The following SGCZ variants were observed in gnomAD, a reference collection of about 807,000 sequenced individuals.
SGCZ encodes sarcoglycan zeta.
Under a neutral mutation model 41.3 loss-of-function variants are expected in SGCZ, and 40 were observed. The ratio of observed to expected loss-of-function variants is 0.97; its 90% CI spans 0.75 to 1.26. SGCZ has a LOEUF of 1.26. SGCZ is among the 50% of genes most tolerant of loss of function. The probability of loss-of-function intolerance (pLI) is 0.00; values close to 1 mark genes in which losing one functional copy is unlikely to be tolerated. For synonymous variants in SGCZ, 206 were observed against 137.5 expected (o/e 1.50, Z -3.49); for missense variants, 552 against 369.8 (o/e 1.49, Z -4.04).
chr8:15,001,139 T>A (rs1437169397), intron 1 of SGCZ, among the ~76,000 whole-genome samples: 1 of 152,210 alleles, frequency 6.6e-6, no homozygotes, highest in Admixed American at 6.5e-5. Context: ...ATTGGGAGGA[T>A]GAAATTGTTC....
chr8:15,152,298 A>T (rs951494541), intron 1 of SGCZ, among the ~76,000 whole-genome samples: 2 of 152,214 alleles, frequency 1.3e-5, no homozygotes, highest in African/African-American at 4.8e-5. Context: ...TCAGAAAAAA[A>T]TATGTAAAAA....
intron 1 of SGCZ, among the ~76,000 whole-genome samples, chr8:15,106,913 A>C (rs950497427): frequency 6.6e-6 from 1 of 152,080 alleles, no homozygotes; most frequent in East Asian, 1.9e-4. Context: ...ACCTTTTAAA[A>C]AATTCAGGAT....
Position 14,472,417 on chromosome 8 carries a change from C to G in SGCZ, c.234+82315G>C, listed in dbSNP as rs184032712. 2.8e-4 allele frequency among the ~76,000 whole-genome samples: 43 copies of G among 152,140 alleles called. No homozygotes were observed. In the East Asian group the frequency reaches 6.8e-3, roughly 24 times the overall value. On this transcript the variant is annotated intron_variant, in intron 2 of 7. Transcript: ENST00000382080. ...ACCTACCATACCATTGTCTTTGAGT[C>G]TGAATAGTGGTGAGTTGATGAACTC...
chr8:14,522,869 C>G (rs1802831626), intron 2 of SGCZ, among the ~76,000 whole-genome samples: 1 of 151,488 alleles, frequency 6.6e-6, no homozygotes, highest in Admixed American at 6.6e-5. Context: ...TATAAATTTT[C>G]TTCTCAATAT....
At chr8:14,348,123 A>G (rs1262507808) in intron 2 of SGCZ, among the ~76,000 whole-genome samples, 1 of 151,960 alleles carries the variant, frequency 6.6e-6, no homozygotes, top group Non-Finnish European at 1.5e-5. Flanking sequence ...TTCATCTGCA[A>G]CTCAGCTGTA....
At chr8:14,624,232 A>G (rs73188105) in intron 1 of SGCZ, among the ~76,000 whole-genome samples, 22,460 of 152,082 alleles carry the variant, frequency 0.15, 2,045 homozygotes, top group Non-Finnish European at 0.2. Context: ...CAAAGCCAAA[A>G]TAAACTACTG....
intron 1 of SGCZ, among the ~76,000 whole-genome samples, chr8:15,182,248 A>G (rs1321016122): frequency 6.6e-6 from 1 of 152,194 alleles, no homozygotes; most frequent in East Asian, 1.9e-4. Flanking sequence ...ACAAACCTAG[A>G]TTATCAAACT....
Position 14,137,430 on chromosome 8 carries a change from G to GA in SGCZ, c.547+27149dup, listed in dbSNP as rs576128410. Among the ~76,000 whole-genome samples the GA allele has an allele frequency of 3.3e-3, 509 of 152,240 alleles. 4 individuals are homozygous for GA. The highest frequency in any genetic ancestry group is 0.012 in the African/African-American group (490 of 41,560). ...CCATCACAAAGAAGCTAAAAACCTT[G>GA]AAAAAATGTTAGATGAATGGCTAAC... On this transcript the variant is annotated intron_variant, in intron 5 of 7. Coordinates refer to ENST00000382080, the MANE Select transcript of SGCZ (RefSeq NM_139167.4).
At chr8:14,188,835 T>TG (rs759960662) in intron 4 of SGCZ, among the ~76,000 whole-genome samples, 2 of 14,830 alleles carry the variant, frequency 1.3e-4, no homozygotes, top group Non-Finnish European at 2.4e-4. Context: ...TTTTTTTTTG[T>TG]TTGTTTGTTT....
At chr8:14,752,971 A>G (rs1387762145) in intron 1 of SGCZ, among the ~76,000 whole-genome samples, 1 of 152,180 alleles carries the variant, frequency 6.6e-6, no homozygotes. Flanking sequence ...TTCCTGTAAT[A>G]GATTCACCTC....
At chr8:15,046,329 C>T (rs1048612536) in intron 1 of SGCZ, among the ~76,000 whole-genome samples, 7 of 151,978 alleles carry the variant, frequency 4.6e-5, no homozygotes, top group Admixed American at 2.0e-4. Context: ...ATAAATTAAA[C>T]ACTAAAATAA....
At chr8:14,284,757 G>C (rs1018799616) in intron 3 of SGCZ, among the ~76,000 whole-genome samples, 2 of 151,914 alleles carry the variant, frequency 1.3e-5, no homozygotes, top group Non-Finnish European at 2.9e-5. Context: ...TAATACTAGA[G>C]TGCATATTTG....
chr8:14,371,381 A>C (rs886882702), intron 2 of SGCZ, among the ~76,000 whole-genome samples: 1 of 152,112 alleles, frequency 6.6e-6, no homozygotes, highest in African/African-American at 2.4e-5. Flanking sequence ...GTTAAGTGAT[A>C]ACATTTTCCG....
intron 2 of SGCZ, among the ~76,000 whole-genome samples, chr8:14,501,987 A>C (rs1266422810): frequency 6.6e-6 from 1 of 152,128 alleles, no homozygotes; most frequent in African/African-American, 2.4e-5. Context: ...ATCATTTGAC[A>C]GGATTAGTTT....
At chr8:14,405,424 TA>T (rs751238847) in intron 2 of SGCZ, among the ~76,000 whole-genome samples, 7 of 152,218 alleles carry the variant, frequency 4.6e-5, no homozygotes, top group Admixed American at 1.3e-4. Context: ...GACATCAGAT[TA>T]TTTTTTTACT....
chr8:14,678,719 T>C lies in SGCZ; in HGVS notation c.40-123793A>G, dbSNP rs118142592. Among the ~76,000 whole-genome samples the C allele has an allele frequency of 2.7e-3, 415 of 152,304 alleles. 1 individual carries two copies. Among genetic ancestry groups the C allele is most frequent in the Non-Finnish European group, 5.0e-3 (339 of 68,006 alleles). The stretch of plus-strand genomic sequence containing the variant: ...AAAAGGAATTGAAAACCTATGTTCA[T>C]AGAAAAACCTGCACTTGAAAGTTGA... On this transcript the variant is annotated intron_variant, in intron 1 of 7. Transcript: ENST00000382080.
At chr8:14,422,446 C>G (rs899254195) in intron 2 of SGCZ, among the ~76,000 whole-genome samples, 1 of 152,180 alleles carries the variant, frequency 6.6e-6, no homozygotes, top group Non-Finnish European at 1.5e-5. Context: ...CAATTTTAGA[C>G]TACTTAATTT....
At chr8:14,243,012 A>G (rs577823318) in intron 3 of SGCZ, among the ~76,000 whole-genome samples, 6 of 152,320 alleles carry the variant, frequency 3.9e-5, no homozygotes, top group Admixed American at 1.3e-4. Flanking sequence ...CTTTGCTGCT[A>G]TCATCCAGGT....
At chr8:14,283,780 A>G (rs1236947088) in intron 3 of SGCZ, among the ~76,000 whole-genome samples, 1 of 152,212 alleles carries the variant, frequency 6.6e-6, no homozygotes, top group Non-Finnish European at 1.5e-5. Context: ...CTCTACTGCA[A>G]TGGCACAACA....
Sources: gnomAD v4.1 joint callset for allele counts (sites outside exome capture counted in the v4.1 genomes callset) on GRCh38, gnomAD v4.1.1 for gene constraint, MANE v1.5 for transcripts, NCBI Gene and HGNC (gene_info 2026-07-23, HGNC 2026-07-21) for gene names.